Variants in VTA1 observed in about 807,000 individuals in gnomAD.
VTA1 encodes vacuolar protein sorting-associated protein VTA1 homolog.
VTA1 carries 24 observed loss-of-function variants against 36.9 expected under a neutral mutation model. The ratio of observed to expected loss-of-function variants is 0.65; its 90% CI spans 0.47 to 0.91. VTA1 has a LOEUF of 0.91. Among genes scored for constraint, VTA1 ranks in the 40% least tolerant of loss-of-function variants. VTA1 has a pLI of 0.00. For synonymous variants in VTA1, 142 were observed against 130.2 expected (o/e 1.09, Z -0.62); for missense variants, 393 against 377.2 (o/e 1.04, Z -0.35).
At chr6:142,180,073 A>G (rs1582888383) in intron 4 of VTA1, among the ~76,000 whole-genome samples, 1 of 152,338 alleles carries the variant, frequency 6.6e-6, no homozygotes, top group African/African-American at 2.4e-5. Flanking sequence ...TAGTTTGTGT[A>G]TCTGTATACT....
intron 1 of VTA1, among the ~76,000 whole-genome samples, chr6:142,148,545 C>T (rs1778504785): frequency 1.3e-5 from 2 of 152,190 alleles, no homozygotes; most frequent in Admixed American, 6.5e-5. Context: ...GTTCATTGAG[C>T]TACCTTTGTA....
At chr6:142,169,029 A>C (rs963229489) in intron 2 of VTA1, among the ~76,000 whole-genome samples, 6 of 152,034 alleles carry the variant, frequency 3.9e-5, no homozygotes, top group Non-Finnish European at 8.8e-5. Flanking sequence ...TCAGCCTCTC[A>C]AAGTACTGGG....
intron 7 of VTA1, among the ~76,000 whole-genome samples, chr6:142,212,592 G>T (rs955702438): frequency 6.6e-6 from 1 of 151,546 alleles, no homozygotes; most frequent in Non-Finnish European, 1.5e-5. Context: ...GTTTTAGTCT[G>T]TTCTCATATT....
rs1228177053 is a variant in VTA1 at position 142,186,749 on chromosome 6, T to C, written c.412-2677T>C. 2.0e-5 allele frequency among the ~76,000 whole-genome samples: 3 copies of C among 152,262 alleles called. No individual in the cohort carries two copies. The South Asian group carries it at 6.2e-4, about 32-fold the overall frequency. ...GTCGGGTATTTGTCAAAGCAGATTCTGGCTAGATTCATAAATTTAAGAATA... is the reference window on the plus strand; with the variant it reads ...GTCGGGTATTTGTCAAAGCAGATTCCGGCTAGATTCATAAATTTAAGAATA... On this transcript the variant is annotated intron_variant, in intron 4 of 7. Transcript: ENST00000367630.
intron 1 of VTA1, among the ~76,000 whole-genome samples, chr6:142,149,330 A>G (rs897528243): frequency 6.6e-6 from 1 of 152,202 alleles, no homozygotes; most frequent in African/African-American, 2.4e-5. Flanking sequence ...ACATGTACAT[A>G]TAAAAGCATA....
At chr6:142,203,247 C>T (rs1382779970) in intron 6 of VTA1, among the ~76,000 whole-genome samples, 1 of 151,926 alleles carries the variant, frequency 6.6e-6, no homozygotes, top group Non-Finnish European at 1.5e-5. Context: ...TACAAATTGC[C>T]TATTCGAATT....
intron 1 of VTA1, among the ~76,000 whole-genome samples, chr6:142,148,331 T>A (rs1778497918): frequency 6.6e-6 from 1 of 152,238 alleles, no homozygotes; most frequent in Non-Finnish European, 1.5e-5. Context: ...AGACCTACCA[T>A]CTTCCACTCT....
chr6:142,193,714 G>T (rs1402056160), intron 5 of VTA1, among the ~76,000 whole-genome samples: 1 of 151,040 alleles, frequency 6.6e-6, no homozygotes. Flanking sequence ...ACATTCTTTG[G>T]TATCTAGTAT....
chr6:142,201,653 T>C (rs1404850525), intron 6 of VTA1, among the ~76,000 whole-genome samples: 1 of 152,016 alleles, frequency 6.6e-6, no homozygotes, highest in Non-Finnish European at 1.5e-5. Flanking sequence ...AAAATGCAGC[T>C]CACTTCATAG....
At chr6:142,186,775 A>AATT (rs1775347361) in intron 4 of VTA1, among the ~76,000 whole-genome samples, 2 of 152,170 alleles carry the variant, frequency 1.3e-5, no homozygotes, top group Non-Finnish European at 2.9e-5. Context: ...TTTAAGAATA[A>AATT]TAAATTTATC....
chr6:142,158,454 T>TA (rs1286581938), intron 1 of VTA1, among the ~76,000 whole-genome samples: 1 of 152,188 alleles, frequency 6.6e-6, no homozygotes, highest in Non-Finnish European at 1.5e-5. Context: ...TTTCTATTTT[T>TA]ATGTGACTAA....
chr6:142,189,577 A>G (rs1263056931), intron 5 of VTA1, 43 bp downstream of exon 5: 4 of 1,508,916 alleles, frequency 2.7e-6, no homozygotes, highest in African/African-American at 1.4e-5. Flanking sequence ...TAGTAGAATC[A>G]TAATTATTCA....
intron 4 of VTA1, among the ~76,000 whole-genome samples, chr6:142,178,919 CAGATACTA>C (rs1775174431): frequency 6.6e-6 from 1 of 151,684 alleles, no homozygotes; most frequent in Non-Finnish European, 1.5e-5. Context: ...ATGCTTAATG[CAGATACTA>C]AGTAAATAGA....
At chr6:142,159,125 C>T (rs996927254) in intron 1 of VTA1, among the ~76,000 whole-genome samples, 1 of 151,944 alleles carries the variant, frequency 6.6e-6, no homozygotes, top group Non-Finnish European at 1.5e-5. Flanking sequence ...TTTGGGAGGC[C>T]GAGGTGGGTA....
chr6:142,166,781 C>T (rs1774925244), intron 2 of VTA1, among the ~76,000 whole-genome samples: 1 of 152,106 alleles, frequency 6.6e-6, no homozygotes. Flanking sequence ...GCTAAACGCG[C>T]CCGGCTAGTT....
chr6:142,181,090 A>ATAT (rs1554219828), intron 4 of VTA1, among the ~76,000 whole-genome samples: 7 of 41,074 alleles, frequency 1.7e-4, no homozygotes, highest in Admixed American at 5.6e-4. Flanking sequence ...AAAAAAAAAA[A>ATAT]AAAAATATAT....
In VTA1 at chr6:142,221,868, G is replaced by C. The variant is rs1001928331; in HGVS notation, c.*3225G>C. 15 of 150,706 alleles carry C rather than the reference G, an allele frequency of 1.0e-4. No homozygotes were observed. The highest frequency in any genetic ancestry group is 3.6e-4 in the African/African-American group (15 of 41,116). The allele number at this position is 150,706 out of a possible 1,614,324, so 9.3% of individuals were successfully genotyped here. A position where few individuals can be genotyped will look rare whatever the true frequency, so the allele number is the denominator to read the frequency against. On this transcript the variant is annotated 3_prime_UTR_variant, in exon 8 of 8. Transcript: ENST00000367630. ...TACCTCTAATCTCAGCTACTGAAGAGGCTGAGGCAGGAGAATCGCTTGAAC... is the reference window on the plus strand; with the variant it reads ...TACCTCTAATCTCAGCTACTGAAGACGCTGAGGCAGGAGAATCGCTTGAAC...
At chr6:142,181,094 A>AATATATATATATAT (rs1169535055) in intron 4 of VTA1, among the ~76,000 whole-genome samples, 14 of 36,438 alleles carry the variant, frequency 3.8e-4, no homozygotes, top group African/African-American at 7.6e-4. Flanking sequence ...AAAAAAAAAA[A>AATATATATATATAT]ATATATATAT....
At chr6:142,206,254 C>A (rs1775788496) in intron 7 of VTA1, among the ~76,000 whole-genome samples, 1 of 152,134 alleles carries the variant, frequency 6.6e-6, no homozygotes, top group Non-Finnish European at 1.5e-5. Context: ...TAATTGCTTT[C>A]CACATAGCAG....
Sources: allele counts gnomAD v4.1 joint callset (sites outside exome capture counted in the v4.1 genomes callset), GRCh38; gene constraint gnomAD v4.1.1; transcripts MANE v1.5; gene names NCBI Gene and HGNC (gene_info 2026-07-23, HGNC 2026-07-21).